The following IFT140 variants were observed in gnomAD, a reference collection of about 807,000 sequenced individuals.
The protein encoded by IFT140 is intraflagellar transport 140.
Under a neutral mutation model 164.6 loss-of-function variants are expected in IFT140, and 133 were observed. The observed-to-expected ratio is 0.81, with a 90% CI of 0.70 to 0.93. The LOEUF (loss-of-function observed/expected upper bound fraction) is 0.93, where lower values mean the gene tolerates loss of function less well. IFT140 is among the 40% of genes least tolerant of loss of function. The pLI is 0.00. For missense variants in IFT140, 2,045 were observed against 1,972.3 expected (o/e 1.04, Z -0.70); for synonymous variants, 860 against 817.3 (o/e 1.05, Z -0.89).
intron 12 of IFT140, 129 bp downstream of exon 12, chr16:1,583,185 G>C: frequency 6.2e-6 from 5 of 807,662 alleles, no homozygotes; most frequent in Non-Finnish European, 8.5e-6. Context: ...TGGAAGCGCA[G>C]GCAGTAGCAC....
At chr16:1,549,309 C>G (rs1022616473) in intron 19 of IFT140, among the ~76,000 whole-genome samples, 7 of 152,276 alleles carry the variant, frequency 4.6e-5, no homozygotes, top group Non-Finnish European at 1.0e-4. Flanking sequence ...CTAGAATTTT[C>G]CCATCTGCTT....
chr16:1,604,318 G>GTGTGTGTGTGTGTGTGTGTGTGTGTGTGT (rs765604573), intron 3 of IFT140: 7 of 67,336 alleles, frequency 1.0e-4, no homozygotes, highest in Admixed American at 6.2e-4. Context: ...TGTGTGTGTG[G>GTGTGTGTGTGTGTGTGTGTGTGTGTGTGT]AGGGGGGAGC....
Position 1,524,558 on chromosome 16 carries a change from C to T in IFT140, c.3135G>A (p.Leu1045=), listed in dbSNP as rs1173410813. 6 of 1,611,608 alleles carry T rather than the reference C, an allele frequency of 3.7e-6. No individual in the cohort carries two copies. The highest frequency in any genetic ancestry group is 1.7e-4 in the Middle Eastern group (1 of 6,006). ...RAQAFKNAIR[L]CKENGLDDQL... Reference sequence around the variant, plus strand: ...CACCCCGGGCCCGTGGTACCTTGCACAGGCGGATGGCATTCTTGAAGGCCT... The same window carrying T: ...CACCCCGGGCCCGTGGTACCTTGCATAGGCGGATGGCATTCTTGAAGGCCT... The change falls in exon 24 of 31, where the codon CTG becomes CTA. Residue 1045 remains leucine, a synonymous_variant. Coordinates refer to ENST00000426508, the MANE Select transcript of IFT140 (RefSeq NM_014714.4).
intron 30 of IFT140, among the ~76,000 whole-genome samples, chr16:1,517,091 C>T (rs1185513474): frequency 6.6e-6 from 1 of 152,174 alleles, no homozygotes; most frequent in Non-Finnish European, 1.5e-5. Context: ...GGAACTTCGG[C>T]CAGGCGCGGT....
intron 19 of IFT140, among the ~76,000 whole-genome samples, chr16:1,546,282 G>A (rs1567353939): frequency 1.3e-5 from 2 of 152,320 alleles, no homozygotes; most frequent in East Asian, 1.9e-4. Flanking sequence ...AGCCTAGGCC[G>A]GGAGGCTCCC....
intron 3 of IFT140, among the ~76,000 whole-genome samples, chr16:1,603,565 A>C (rs1357756335): frequency 1.3e-5 from 2 of 151,486 alleles, no homozygotes; most frequent in Admixed American, 6.6e-5. Context: ...GCTCACCGCA[A>C]CCTCCGCCTC....
chr16:1,592,242 T>G lies in IFT140; in HGVS notation c.568A>C (p.Ser190Arg). The G allele has an allele frequency of 6.2e-7, 1 of 1,614,202 alleles. No homozygotes were observed. Among genetic ancestry groups the G allele is most frequent in the South Asian group, 1.1e-5 (1 of 91,092 alleles). The change falls in exon 6 of 31, where the codon AGT becomes CGT. Residue 190 changes from serine (S) to arginine (R), a missense_variant. Coordinates refer to ENST00000426508, the MANE Select transcript of IFT140 (RefSeq NM_014714.4). ...CCCATCTTCAGCAAACTTCCAGAACTGCTCTTCTTCCAGTTAAACATGTCC... is the reference window on the plus strand; with the variant it reads ...CCCATCTTCAGCAAACTTCCAGAACGGCTCTTCTTCCAGTTAAACATGTCC... ...ALDMFNWKKS[S>R]SGSLLKMGSH...
At chr16:1,606,304 C>T (rs1339402490) in intron 3 of IFT140, among the ~76,000 whole-genome samples, 1 of 152,240 alleles carries the variant, frequency 6.6e-6, no homozygotes, top group Non-Finnish European at 1.5e-5. Flanking sequence ...CTGGTGATGA[C>T]TGTGAACTGA....
At chr16:1,526,279 G>C in intron 20 of IFT140, 1 of 611,640 alleles carries the variant, frequency 1.6e-6, no homozygotes, top group Non-Finnish European at 2.8e-6. Flanking sequence ...GCACCACCAA[G>C]GGGTACCCCA....
At position 1,607,348 on chromosome 16, in the gene IFT140, CAA is replaced by C. The variant is rs1235755036; in HGVS notation, c.-31-53_-31-52del. On this transcript the variant is annotated intron_variant, in intron 2 of 30. Coordinates refer to ENST00000426508, the MANE Select transcript of IFT140 (RefSeq NM_014714.4). ...TCCAATCAGTTTTAAATAAAACAAACAATATGACTGTACATGGAATGACGAAA... is the reference window on the plus strand; with the variant it reads ...TCCAATCAGTTTTAAATAAAACAAACTATGACTGTACATGGAATGACGAAA... 26 of 1,443,456 alleles carry C rather than the reference CAA, an allele frequency of 1.8e-5. No homozygotes were observed. The African/African-American group carries it at 2.7e-4, about 15-fold the overall frequency. The allele number at this position is 1,443,456 out of a possible 1,614,324, so 89.4% of individuals were successfully genotyped here. A position where few individuals can be genotyped will look rare whatever the true frequency, so the allele number is the denominator to read the frequency against.
At chr16:1,573,791 C>G (rs905868725) in intron 13 of IFT140, among the ~76,000 whole-genome samples, 11 of 152,198 alleles carry the variant, frequency 7.2e-5, no homozygotes, top group Non-Finnish European at 1.3e-4. Flanking sequence ...TCACTCTTCT[C>G]CACCCTTAAG....
Position 1,533,947 on chromosome 16 carries a change from C to G in IFT140, c.2400-7151G>C, listed in dbSNP as rs1174973233. ...CCACTGCTGCAGGCGAGAAGAGGCACGCGCGGCACAGGCCGGCCTCCGCTT... is the reference window on the plus strand; with the variant it reads ...CCACTGCTGCAGGCGAGAAGAGGCAGGCGCGGCACAGGCCGGCCTCCGCTT... On this transcript the variant is annotated intron_variant, in intron 19 of 30. Coordinates refer to ENST00000426508, the MANE Select transcript of IFT140 (RefSeq NM_014714.4). This position sits in a 1 kb window ranked among gnomAD's most constrained non-coding sequence, Gnocchi z 4.7. The G allele has an allele frequency of 2.6e-6, 1 of 390,198 alleles. No homozygotes were observed. Among genetic ancestry groups the G allele is most frequent in the African/African-American group, 2.2e-5 (1 of 46,238 alleles). The allele number at this position is 390,198 out of a possible 1,614,324, so 24.2% of individuals were successfully genotyped here. A position where few individuals can be genotyped will look rare whatever the true frequency, so the allele number is the denominator to read the frequency against.
At chr16:1,595,248 G>A (rs2035399441) in intron 4 of IFT140, among the ~76,000 whole-genome samples, 1 of 152,124 alleles carries the variant, frequency 6.6e-6, no homozygotes, top group Admixed American at 6.6e-5. Context: ...TGGCGCCACT[G>A]CACTCCAGCC....
rs922819138 is a variant in IFT140, at chr16:1,530,133, C to CTTTTTTTTTTT, written c.2400-3348_2400-3338dup. ...TCCCAAAAGACTTCACGACGGGAAT[C>CTTTTTTTTTTT]TTTTTTTTTTTTTTTTTTTTTTTTG... On this transcript the variant is annotated intron_variant, in intron 19 of 30. Transcript: ENST00000426508. 6.2e-4 allele frequency among the ~76,000 whole-genome samples: 55 copies of CTTTTTTTTTTT among 88,582 alleles called. 4 individuals carry two copies. The highest frequency in any genetic ancestry group is 2.6e-3 in the African/African-American group (48 of 18,454). The allele number at this position is 88,582 out of a possible 152,430, so 58.1% of individuals were successfully genotyped here.
Position 1,599,767 on chromosome 16 carries a change from C to T in IFT140, c.369+2603G>A, listed in dbSNP as rs1273597106. On this transcript the variant is annotated intron_variant, in intron 4 of 30. Transcript: ENST00000426508. ...CCTCTGCCCGGCCAGCCGCCCCGTC[C>T]GGGAGGGAGGTGGGGGTGTCAGCCC... is the stretch of plus-strand genomic sequence containing the variant. 1.5e-3 allele frequency among the ~76,000 whole-genome samples: 103 copies of T among 67,096 alleles called. 1 individual carries two copies. The highest frequency in any genetic ancestry group is 2.4e-3 in the Non-Finnish European group (89 of 37,626). The allele number at this position is 67,096 out of a possible 152,430, so 44.0% of individuals were successfully genotyped here. A position where few individuals can be genotyped will look rare whatever the true frequency, so the allele number is the denominator to read the frequency against.
chr16:1,512,920 A>T (rs1030700666), intron 30 of IFT140: 1 of 152,264 alleles, frequency 6.6e-6, no homozygotes, highest in African/African-American at 2.4e-5. Context: ...CGGGCCAGGA[A>T]GTCTGTGTCT....
chr16:1,589,144 GA>G (rs2141875834), intron 7 of IFT140, among the ~76,000 whole-genome samples: 1 of 152,318 alleles, frequency 6.6e-6, no homozygotes, highest in East Asian at 1.9e-4. Context: ...CACTGACTGA[GA>G]AAAAATCAGC....
chr16:1,571,817 C>A (rs117559450), intron 13 of IFT140, among the ~76,000 whole-genome samples: 1 of 152,110 alleles, frequency 6.6e-6, no homozygotes, highest in African/African-American at 2.4e-5. Flanking sequence ...GACAGCAGTG[C>A]GGTCGACAAA....
At chr16:1,537,178 G>A (rs975652298) in intron 19 of IFT140, among the ~76,000 whole-genome samples, 1 of 152,206 alleles carries the variant, frequency 6.6e-6, no homozygotes, top group Non-Finnish European at 1.5e-5. Context: ...GGGTCGGGGT[G>A]GGGCAAGCCA....
Sources: allele counts gnomAD v4.1 joint callset (sites outside exome capture counted in the v4.1 genomes callset), GRCh38; gene constraint gnomAD v4.1.1; non-coding constraint Gnocchi (gnomAD v3.1); transcripts MANE v1.5; gene names NCBI Gene and HGNC (gene_info 2026-07-23, HGNC 2026-07-21).